MTMR8: variants seen among roughly 807,000 people sequenced by gnomAD.
MTMR8 encodes the protein phosphatidylinositol-3,5-bisphosphate 3-phosphatase MTMR8.
MTMR8 carries 65 observed loss-of-function variants against 39.3 expected under a neutral mutation model. The ratio of observed to expected loss-of-function variants is 1.65; its 90% confidence interval spans 1.35 to 2.03. The LOEUF (loss-of-function observed/expected upper bound fraction) is 2.03. MTMR8 is among the 30% of genes most tolerant of loss of function. MTMR8 has a pLI of 0.00. For synonymous variants in MTMR8, 245 were observed against 185.2 expected, an observed-to-expected ratio of 1.32 and a Z score of -2.62; for missense variants, 777 against 538.9, an observed-to-expected ratio of 1.44 and a Z score of -4.37.
At position 64,282,740 on chromosome X, in the gene MTMR8, T is replaced by C. The variant is rs960755889; in HGVS notation, c.1482-11667A>G. 3.1e-4 allele frequency among the ~76,000 whole-genome samples: 35 copies of C among 111,403 alleles called. 1 individual carries two copies. Among genetic ancestry groups the C allele is most frequent in the Admixed American group, 9.6e-5 (1 of 10,460 alleles). The stretch of plus-strand genomic sequence containing the variant: ...ATTGGGCTACATCAAAATTAAACTT[T>C]TGTGTATCAAAATACACTATCAGAA... On this transcript the variant is annotated intron_variant, in intron 12 of 13. Transcript: ENST00000374852.
At chrX:64,338,809 G>A (rs1923141721) in intron 8 of MTMR8, among the ~76,000 whole-genome samples, 2 of 111,407 alleles carry the variant, frequency 1.8e-5, no homozygotes, top group Non-Finnish European at 3.8e-5. Flanking sequence ...AACAGAAGAA[G>A]GATTTTAATT....
At chrX:64,367,928 C>T (rs1421305929) in intron 1 of MTMR8, among the ~76,000 whole-genome samples, 1 of 111,973 alleles carries the variant, frequency 8.9e-6, no homozygotes, top group African/African-American at 3.3e-5. Flanking sequence ...GATACAAAAT[C>T]AATGTGCAAA....
intron 12 of MTMR8, among the ~76,000 whole-genome samples, chrX:64,278,374 C>T (rs1202145059): frequency 2.8e-5 from 3 of 106,496 alleles, no homozygotes; most frequent in South Asian, 8.5e-4. Context: ...GATTTATCTA[C>T]CTTTGGTCTT....
At chrX:64,299,754 C>G (rs1471962052) in intron 12 of MTMR8, among the ~76,000 whole-genome samples, 1 of 100,359 alleles carries the variant, frequency 1.0e-5, no homozygotes, top group East Asian at 3.1e-4. Flanking sequence ...GCTTTGAATG[C>G]GTCCCAGAGA....
intron 1 of MTMR8, among the ~76,000 whole-genome samples, chrX:64,367,509 C>A (rs1166571203): frequency 8.9e-6 from 1 of 111,810 alleles, no homozygotes; most frequent in Admixed American, 9.5e-5. Flanking sequence ...CGACAAAAAC[C>A]ACATGATTAT....
intron 1 of MTMR8, among the ~76,000 whole-genome samples, chrX:64,376,922 C>T (rs985036849): frequency 1.3e-4 from 14 of 111,792 alleles, no homozygotes; most frequent in Non-Finnish European, 2.3e-4. Flanking sequence ...TACACAGCCT[C>T]GGGACACTGC....
At chrX:64,278,314 G>T (rs1445015275) in intron 12 of MTMR8, among the ~76,000 whole-genome samples, 3 of 108,632 alleles carry the variant, frequency 2.8e-5, no homozygotes, top group African/African-American at 1.0e-4. Context: ...GAGGCGTTCT[G>T]GCTTATGGAA....
intron 12 of MTMR8, among the ~76,000 whole-genome samples, chrX:64,295,063 A>G (rs1473899489): frequency 9.0e-6 from 1 of 110,678 alleles, no homozygotes; most frequent in Non-Finnish European, 1.9e-5. Context: ...TTTGATAGGA[A>G]TGTTTATATT....
chrX:64,364,728 C>T (rs1315481880), intron 1 of MTMR8, among the ~76,000 whole-genome samples: 1 of 111,870 alleles, frequency 8.9e-6, no homozygotes, highest in Non-Finnish European at 1.9e-5. Context: ...TGCAGCTCCT[C>T]ACCAGCAACG....
At chrX:64,321,215 A>G (rs752493780) in intron 12 of MTMR8, among the ~76,000 whole-genome samples, 1 of 111,957 alleles carries the variant, frequency 8.9e-6, no homozygotes, top group Non-Finnish European at 1.9e-5. Flanking sequence ...AAAAACAATT[A>G]ATAGAAACTG....
chrX:64,282,182 G>C (rs976210944), intron 12 of MTMR8, among the ~76,000 whole-genome samples: 1 of 111,551 alleles, frequency 9.0e-6, no homozygotes, highest in African/African-American at 3.3e-5. Context: ...ATGATCTAGA[G>C]CCAGAAATAC....
At chrX:64,320,163 G>A (rs1922594955) in intron 12 of MTMR8, among the ~76,000 whole-genome samples, 1 of 111,332 alleles carries the variant, frequency 9.0e-6, no homozygotes, top group South Asian at 3.8e-4. Flanking sequence ...TCTCTTTGAA[G>A]CAACTGTGAA....
chrX:64,313,707 T>C (rs762049959), intron 12 of MTMR8, among the ~76,000 whole-genome samples: 2 of 112,553 alleles, frequency 1.8e-5, no homozygotes, highest in East Asian at 5.6e-4. Context: ...AATTTCAATA[T>C]TGTTGTGTCT....
chrX:64,392,832 C>T (rs1602163092), intron 1 of MTMR8, among the ~76,000 whole-genome samples: 1 of 111,122 alleles, frequency 9.0e-6, no homozygotes, highest in Non-Finnish European at 1.9e-5. Flanking sequence ...CAAAGTTATC[C>T]CTTTGACCTG....
At chrX:64,352,444 G>A (rs763322929) in intron 4 of MTMR8, among the ~76,000 whole-genome samples, 2 of 111,532 alleles carry the variant, frequency 1.8e-5, no homozygotes, top group Non-Finnish European at 3.8e-5. Flanking sequence ...CCTGAGGAAC[G>A]GTCTTTGGGA....
At chrX:64,287,007 A>T (rs1921206245) in intron 12 of MTMR8, among the ~76,000 whole-genome samples, 1 of 111,525 alleles carries the variant, frequency 9.0e-6, no homozygotes, top group Admixed American at 9.5e-5. Context: ...CAATTAGGAA[A>T]AGAGGAAGTC....
intron 12 of MTMR8, among the ~76,000 whole-genome samples, chrX:64,319,423 C>T (rs774543056): frequency 1.8e-5 from 2 of 112,293 alleles, no homozygotes; most frequent in African/African-American, 6.5e-5. Context: ...TCCCATTTGT[C>T]AATTTTGGCT....
At chrX:64,345,802 T>C (rs1468635375) in intron 6 of MTMR8, among the ~76,000 whole-genome samples, 1 of 111,475 alleles carries the variant, frequency 9.0e-6, no homozygotes, top group Non-Finnish European at 1.9e-5. Flanking sequence ...AAAATGTTTT[T>C]TGTAAAGACA....
intron 8 of MTMR8, among the ~76,000 whole-genome samples, chrX:64,340,870 T>C (rs1923197930): frequency 8.9e-6 from 1 of 112,096 alleles, no homozygotes. Context: ...AAAAGATTGA[T>C]GATAACCATT....
Sources: allele counts gnomAD v4.1 joint callset (sites outside exome capture counted in the v4.1 genomes callset), GRCh38; gene constraint gnomAD v4.1.1; transcripts MANE v1.5; gene names NCBI Gene and HGNC (gene_info 2026-07-23, HGNC 2026-07-21).